Variants in TAMM41 observed in about 807,000 individuals in gnomAD.
TAMM41 encodes TAM41 mitochondrial translocator assembly and maintenance homolog.
Under a neutral mutation model 44.1 loss-of-function variants are expected in TAMM41, and 36 were observed. That is an observed-to-expected ratio of 0.82 (90% CI 0.63 to 1.08). The LOEUF (loss-of-function observed/expected upper bound fraction) is 1.08, where lower values mean the gene tolerates loss of function less well. Ranked by LOEUF, TAMM41 falls within the 50% of genes least tolerant of loss-of-function variation. The probability of loss-of-function intolerance (pLI) is 0.00; values close to 1 mark genes in which losing one functional copy is unlikely to be tolerated. For synonymous variants in TAMM41, 164 were observed against 153.1 expected (o/e 1.07, Z -0.53); for missense variants, 417 against 404.3 (o/e 1.03, Z -0.27).
At chr3:11,727,876 T>A in the TAMM41 span, among the ~76,000 whole-genome samples, 1 of 149,490 alleles carries the variant, frequency 6.7e-6, no homozygotes, top group African/African-American at 2.5e-5. Flanking sequence ...AACCTCCGCC[T>A]CCCGGGTTCA....
chr3:11,726,800 CAAAAAAAAA>C, the TAMM41 span, among the ~76,000 whole-genome samples: 11 of 93,098 alleles, frequency 1.2e-4, no homozygotes, highest in Non-Finnish European at 4.9e-5. Flanking sequence ...GACTCTGTCT[CAAAAAAAAA>C]AAAAAAAAAG....
the TAMM41 span, among the ~76,000 whole-genome samples, chr3:11,723,300 C>A: frequency 6.6e-6 from 1 of 151,860 alleles, no homozygotes; most frequent in South Asian, 2.1e-4. Context: ...ACTACCTAGG[C>A]CAGGCGCAGT....
At chr3:11,843,907 A>T in intron 2 of TAMM41, 122 bp downstream of exon 2, 1 of 999,076 alleles carries the variant, frequency 1.0e-6, no homozygotes, top group Non-Finnish European at 1.5e-6. Context: ...TTTCCCGACT[A>T]TAACAACGTC....
chr3:11,769,849 C>T, the TAMM41 span, among the ~76,000 whole-genome samples: 3 of 152,192 alleles, frequency 2.0e-5, no homozygotes, highest in Non-Finnish European at 4.4e-5. Flanking sequence ...CGCCTCACGG[C>T]CCAGCTCGCA....
At chr3:11,788,777 A>G (rs2077432172), downstream of TAMM41, among the ~76,000 whole-genome samples, 1 of 152,048 alleles carries the variant, frequency 6.6e-6, no homozygotes, top group Non-Finnish European at 1.5e-5. Flanking sequence ...TTCTACTAAA[A>G]ATAGAAAAAA....
At chr3:11,824,417 G>A (rs1180073722) in intron 4 of TAMM41, among the ~76,000 whole-genome samples, 1 of 136,542 alleles carries the variant, frequency 7.3e-6, no homozygotes, top group South Asian at 2.3e-4. Flanking sequence ...CTGGAGTGCA[G>A]TGGCACCATC....
At chr3:11,837,540 C>T (rs2079236193) in intron 3 of TAMM41, among the ~76,000 whole-genome samples, 1 of 152,018 alleles carries the variant, frequency 6.6e-6, no homozygotes, top group Non-Finnish European at 1.5e-5. Flanking sequence ...CGACTCCCCA[C>T]AGCCTCCTCT....
intron 3 of TAMM41, among the ~76,000 whole-genome samples, chr3:11,834,566 G>T (rs1333199692): frequency 1.3e-5 from 2 of 152,010 alleles, no homozygotes; most frequent in Non-Finnish European, 2.9e-5. Flanking sequence ...GAAACTTAAG[G>T]TTGTACTGGA....
chr3:11,729,539 ATTTTTTTTTTTTTTTTTTTTTTTT>A, the TAMM41 span, among the ~76,000 whole-genome samples: 23 of 32,272 alleles, frequency 7.1e-4, no homozygotes, highest in Admixed American at 2.0e-3. Context: ...TCTTTCTTTC[ATTTTTTTTTTTTTTTTTTTTTTTT>A]TTTTTTTTTT....
At chr3:11,785,609 C>T (rs1381440602), downstream of TAMM41, among the ~76,000 whole-genome samples, 1 of 152,010 alleles carries the variant, frequency 6.6e-6, no homozygotes, top group Non-Finnish European at 1.5e-5. Context: ...CAGGTGTGAG[C>T]CACCGTGCCC....
At chr3:11,801,574 C>T (rs1326890807) in intron 7 of TAMM41, among the ~76,000 whole-genome samples, 4 of 152,116 alleles carry the variant, frequency 2.6e-5, no homozygotes, top group Non-Finnish European at 5.9e-5. Flanking sequence ...AATCCACCCA[C>T]CTCAGACTCC....
At chr3:11,772,273 G>GT in the TAMM41 span, among the ~76,000 whole-genome samples, 1 of 150,038 alleles carries the variant, frequency 6.7e-6, no homozygotes, top group Non-Finnish European at 1.5e-5. Context: ...AGTAGAGACG[G>GT]GCTTTCACCG....
the TAMM41 span, among the ~76,000 whole-genome samples, chr3:11,773,604 A>T: frequency 6.6e-6 from 1 of 152,158 alleles, no homozygotes; most frequent in African/African-American, 2.4e-5. Context: ...TAATGGAGAC[A>T]CTTGGAAACT....
At chr3:11,811,885 T>C (rs2078097689) in intron 5 of TAMM41, among the ~76,000 whole-genome samples, 1 of 152,206 alleles carries the variant, frequency 6.6e-6, no homozygotes, top group South Asian at 2.1e-4. Context: ...CTATAAACAC[T>C]AGCTTTTATG....
the TAMM41 span, among the ~76,000 whole-genome samples, chr3:11,748,910 G>GTTTTT: frequency 2.6e-5 from 2 of 77,380 alleles, no homozygotes; most frequent in Admixed American, 1.4e-4. Flanking sequence ...CTGGGAAGTA[G>GTTTTT]ATTTTTTTTT....
chr3:11,830,127 A>G (rs995657658), intron 3 of TAMM41, among the ~76,000 whole-genome samples: 1 of 152,248 alleles, frequency 6.6e-6, no homozygotes, highest in Non-Finnish European at 1.5e-5. Context: ...AATGCAGCAT[A>G]GGTTTAGAAA....
rs142610247 is a variant in TAMM41 at position 11,819,290 on chromosome 3, T to G, written c.563-1953A>C. ...GGTAAATACCAGCCACTGTGCCAAG[T>G]GTGTTGTGGTATTGCTTCATTTAAT... On this transcript the variant is annotated intron_variant, in intron 4 of 7. Coordinates refer to ENST00000455809, the MANE Select transcript of TAMM41 (RefSeq NM_001284401.2). Among the ~76,000 whole-genome samples the G allele has an allele frequency of 7.2e-5, 11 of 152,254 alleles. No individual in the cohort carries two copies. In the East Asian group the frequency reaches 2.1e-3, roughly 29 times the overall value.
At chr3:11,792,583 A>G (rs2077505549) in intron 7 of TAMM41, among the ~76,000 whole-genome samples, 1 of 152,230 alleles carries the variant, frequency 6.6e-6, no homozygotes, top group Admixed American at 6.5e-5. Context: ...AAGAACCAAC[A>G]GATCAGAATG....
At chr3:11,749,598 G>A in the TAMM41 span, among the ~76,000 whole-genome samples, 464 of 152,216 alleles carry the variant, frequency 3.0e-3, 4 homozygotes, top group Middle Eastern at 0.017. Context: ...ATTTAGTTGT[G>A]TTCAACACAA....
Sources: gnomAD v4.1 joint callset for allele counts (sites outside exome capture counted in the v4.1 genomes callset) on GRCh38, gnomAD v4.1.1 for gene constraint, MANE v1.5 for transcripts, NCBI Gene and HGNC (gene_info 2026-07-23, HGNC 2026-07-21) for gene names.